The following RYR2 variants were observed in gnomAD, a reference collection of about 807,000 sequenced individuals.
RYR2 encodes the protein cardiac muscle ryanodine receptor-calcium release channel.
Under a neutral mutation model 601.1 loss-of-function variants are expected in RYR2, and 227 were observed. The ratio of observed to expected loss-of-function variants is 0.38; its 90% CI spans 0.34 to 0.42. The LOEUF (loss-of-function observed/expected upper bound fraction) is 0.42, where lower values mean the gene tolerates loss of function less well. Among genes scored for constraint, RYR2 ranks in the 10% least tolerant of loss-of-function variants. The probability of loss-of-function intolerance (pLI) is 1.00; values close to 1 mark genes in which losing one functional copy is unlikely to be tolerated. For missense variants in RYR2, 4,646 were observed against 6,156.5 expected (o/e 0.75, Z 8.21); for synonymous variants, 2,223 against 2,175.1 (o/e 1.02, Z -0.61).
At chr1:237,447,911 C>A (rs1349007875) in intron 14 of RYR2, among the ~76,000 whole-genome samples, 1 of 136,548 alleles carries the variant, frequency 7.3e-6, no homozygotes, top group African/African-American at 2.7e-5. Context: ...TTTCTTCTTT[C>A]CCCTCCCCTT....
chr1:237,244,747 T>C (rs1005452957), intron 1 of RYR2, among the ~76,000 whole-genome samples: 2 of 152,126 alleles, frequency 1.3e-5, no homozygotes, highest in East Asian at 1.9e-4. Flanking sequence ...AAACTCCTCC[T>C]GTATGTCTGT....
intron 35 of RYR2, among the ~76,000 whole-genome samples, chr1:237,605,338 C>A (rs1201731516): frequency 2.0e-5 from 3 of 152,082 alleles, no homozygotes; most frequent in Non-Finnish European, 2.9e-5. Flanking sequence ...ATTATCTCAA[C>A]AGATGCAGAA....
rs200472464 is a variant in RYR2 at position 237,383,629 on chromosome 1, C to T, written c.577-3652C>T. 5.0e-4 allele frequency among the ~76,000 whole-genome samples: 76 copies of T among 151,946 alleles called. 2 individuals are homozygous for T. The East Asian group carries it at 7.4e-3, about 15-fold the overall frequency. ...TATTTTTAGTAGAGACGGGGCTTCA[C>T]CGTGTTGGCCAGGATGGTCTCGATC... On this transcript the variant is annotated intron_variant, in intron 8 of 104. Transcript: ENST00000366574.
intron 29 of RYR2, among the ~76,000 whole-genome samples, chr1:237,581,175 T>C (rs1343330021): frequency 6.6e-6 from 1 of 152,220 alleles, no homozygotes; most frequent in Admixed American, 6.5e-5. Flanking sequence ...TAGTTTATGG[T>C]AAAAGAACGG....
intron 29 of RYR2, among the ~76,000 whole-genome samples, chr1:237,572,561 T>A (rs972277037): frequency 3.9e-5 from 6 of 152,218 alleles, no homozygotes; most frequent in Non-Finnish European, 8.8e-5. Flanking sequence ...ATTTTTAAAA[T>A]TTAAAAACTG....
intron 25 of RYR2, among the ~76,000 whole-genome samples, chr1:237,541,764 G>T (rs939576799): frequency 2.6e-5 from 4 of 152,122 alleles, no homozygotes; most frequent in Non-Finnish European, 5.9e-5. Flanking sequence ...TCTCTGGTGG[G>T]CAGGAGTGGG....
chr1:237,782,178 C>CTTTTTT (rs35521596), intron 89 of RYR2, among the ~76,000 whole-genome samples: 2 of 119,146 alleles, frequency 1.7e-5, no homozygotes, highest in Non-Finnish European at 3.4e-5. Flanking sequence ...TTTGTTATTG[C>CTTTTTT]TTTTTTTTTT....
chr1:237,629,801 A>G (rs991808001), intron 41 of RYR2, among the ~76,000 whole-genome samples: 2 of 152,154 alleles, frequency 1.3e-5, no homozygotes. Flanking sequence ...TCAGAAAACA[A>G]TATTGCATAT....
chr1:237,185,341 T>G (rs1228520428), intron 1 of RYR2, among the ~76,000 whole-genome samples: 1 of 152,166 alleles, frequency 6.6e-6, no homozygotes, highest in Non-Finnish European at 1.5e-5. Flanking sequence ...AGCACTATTT[T>G]ACAGGCAGTG....
intron 102 of RYR2, 64 bp downstream of exon 102, chr1:237,828,509 T>G: frequency 9.6e-7 from 1 of 1,038,926 alleles, no homozygotes; most frequent in Non-Finnish European, 1.4e-6. Flanking sequence ...CCTCACTACC[T>G]TTATCAATAG....
chr1:237,160,904 G>T (rs1198632389), intron 1 of RYR2, among the ~76,000 whole-genome samples: 1 of 152,066 alleles, frequency 6.6e-6, no homozygotes, highest in African/African-American at 2.4e-5. Flanking sequence ...AAGATAAACA[G>T]TTTCCACAAA....
At chr1:237,544,860 T>C (rs965741552) in intron 25 of RYR2, among the ~76,000 whole-genome samples, 4 of 152,212 alleles carry the variant, frequency 2.6e-5, no homozygotes, top group Non-Finnish European at 5.9e-5. Flanking sequence ...ATGTCAATAG[T>C]GTTATCCATT....
At chr1:237,641,523 T>C (rs1681531302) in intron 47 of RYR2, among the ~76,000 whole-genome samples, 1 of 150,060 alleles carries the variant, frequency 6.7e-6, no homozygotes, top group Non-Finnish European at 1.5e-5. Flanking sequence ...CTTTCTTTCT[T>C]TCTTTTTCTT....
intron 99 of RYR2, among the ~76,000 whole-genome samples, chr1:237,807,549 A>C (rs1185121044): frequency 1.3e-5 from 2 of 152,036 alleles, no homozygotes; most frequent in African/African-American, 2.4e-5. Context: ...ATGGGGTTTC[A>C]CCATGTTGGC....
At chr1:237,071,728 G>A (rs1321211877) in intron 1 of RYR2, among the ~76,000 whole-genome samples, 1 of 152,170 alleles carries the variant, frequency 6.6e-6, no homozygotes, top group African/African-American at 2.4e-5. Flanking sequence ...TCCTGCCTAG[G>A]AACCTGTTTG....
At chr1:237,714,568 G>C (rs1210758889) in intron 71 of RYR2, among the ~76,000 whole-genome samples, 1 of 152,064 alleles carries the variant, frequency 6.6e-6, no homozygotes, top group African/African-American at 2.4e-5. Context: ...CCATTTTCCT[G>C]GTCCACTATT....
rs1659358026 is a variant in RYR2, at chr1:237,797,202, C to T, written c.13957-835C>T. 2.0e-5 allele frequency among the ~76,000 whole-genome samples: 3 copies of T among 152,108 alleles called. No individual in the cohort carries two copies. The South Asian group carries it at 6.2e-4, about 32-fold the overall frequency. On this transcript the variant is annotated intron_variant, in intron 96 of 104. Coordinates refer to ENST00000366574, the MANE Select transcript of RYR2 (RefSeq NM_001035.3). ...CAGGGGAGCTGTGAGCACATCCAAG[C>T]CCTGCTCTAAAAACATGACAAATGG...
In RYR2 at chr1:237,832,949, G is replaced by A. The variant is rs776201787; in HGVS notation, c.*302G>A. 6 of 204,538 alleles carry A rather than the reference G, an allele frequency of 2.9e-5. No homozygotes were observed. Among genetic ancestry groups the A allele is most frequent in the South Asian group, 1.2e-4 (1 of 8,258 alleles). 12.7% of individuals were successfully genotyped at this position (204,538 alleles called of 1,614,324 possible). On this transcript the variant is annotated 3_prime_UTR_variant, in exon 105 of 105. Coordinates refer to ENST00000366574, the MANE Select transcript of RYR2 (RefSeq NM_001035.3). ...AGATAGATTTTCTTCTGAGACTCCC[G>A]GAGTCTTCTCGAGCTACGAGACCTT...
intron 100 of RYR2, among the ~76,000 whole-genome samples, chr1:237,816,506 T>C (rs10925517): frequency 0.41 from 61,642 of 151,444 alleles, 12,640 homozygotes; most frequent in South Asian, 0.47. Context: ...CTGGCCAACA[T>C]GGTGAAACTC....
Sources: gnomAD v4.1 joint callset for allele counts (sites outside exome capture counted in the v4.1 genomes callset) on GRCh38, gnomAD v4.1.1 for gene constraint, MANE v1.5 for transcripts, NCBI Gene and HGNC (gene_info 2026-07-23, HGNC 2026-07-21) for gene names.